SLC39A11: variants seen among roughly 807,000 people sequenced by gnomAD.
SLC39A11 encodes solute carrier family 39 member 11.
Under a neutral mutation model 36.1 loss-of-function variants are expected in SLC39A11, and 33 were observed. The ratio of observed to expected loss-of-function variants is 0.91; its 90% CI spans 0.69 to 1.22. SLC39A11 has a LOEUF of 1.22. Ranked by LOEUF, SLC39A11 falls within the 50% of genes most tolerant of loss-of-function variation. SLC39A11 has a pLI of 0.00. For missense variants in SLC39A11, 432 were observed against 430.3 expected (o/e 1.00, Z -0.03); for synonymous variants, 166 against 170.3 (o/e 0.97, Z 0.20).
At chr17:72,888,874 T>C (rs904417230) in intron 5 of SLC39A11, among the ~76,000 whole-genome samples, 3 of 151,924 alleles carry the variant, frequency 2.0e-5, no homozygotes, top group African/African-American at 7.3e-5. Context: ...TACACTCCAA[T>C]CTGTGTGGTA....
chr17:72,734,161 A>C (rs1355972454), intron 7 of SLC39A11, among the ~76,000 whole-genome samples: 1 of 152,144 alleles, frequency 6.6e-6, no homozygotes, highest in Non-Finnish European at 1.5e-5. Flanking sequence ...GTGTGAACTA[A>C]AGGCAGAGAA....
chr17:73,043,509 A>T (rs754474593), intron 3 of SLC39A11, among the ~76,000 whole-genome samples: 4 of 152,302 alleles, frequency 2.6e-5, no homozygotes, highest in Admixed American at 2.6e-4. Flanking sequence ...CTCACACGTG[A>T]TGCTGCAGCA....
At chr17:73,086,608 T>C (rs2060737684) in intron 2 of SLC39A11, among the ~76,000 whole-genome samples, 1 of 151,986 alleles carries the variant, frequency 6.6e-6, no homozygotes, top group African/African-American at 2.4e-5. Flanking sequence ...TCACTTGAGG[T>C]CAGGAGCTCA....
chr17:72,976,176 A>G (rs1185967836), intron 4 of SLC39A11, among the ~76,000 whole-genome samples: 1 of 150,974 alleles, frequency 6.6e-6, no homozygotes, highest in African/African-American at 2.4e-5. Context: ...TCTCAAAAAA[A>G]AAAAAAAAAA....
chr17:72,713,412 G>A (rs1217696681), intron 7 of SLC39A11, among the ~76,000 whole-genome samples: 3 of 151,416 alleles, frequency 2.0e-5, no homozygotes, highest in African/African-American at 7.3e-5. Context: ...GTGTAGATGG[G>A]AGAGTTTCCA....
At chr17:72,688,302 G>T (rs2071850130) in intron 7 of SLC39A11, among the ~76,000 whole-genome samples, 1 of 152,230 alleles carries the variant, frequency 6.6e-6, no homozygotes, top group Non-Finnish European at 1.5e-5. Flanking sequence ...GCTGGTGCCA[G>T]GCTACGAGGG....
At chr17:72,770,136 T>G (rs1162409772) in intron 6 of SLC39A11, among the ~76,000 whole-genome samples, 1 of 152,210 alleles carries the variant, frequency 6.6e-6, no homozygotes, top group Non-Finnish European at 1.5e-5. Context: ...AAAATAAACT[T>G]TCTAAATTAA....
chr17:72,855,630 C>T (rs1010912920), intron 5 of SLC39A11, among the ~76,000 whole-genome samples: 1 of 152,326 alleles, frequency 6.6e-6, no homozygotes, highest in East Asian at 1.9e-4. Flanking sequence ...GGTGCGGTGG[C>T]TCACGCCTGT....
chr17:72,702,467 A>G (rs920721052), intron 7 of SLC39A11, among the ~76,000 whole-genome samples: 2 of 152,182 alleles, frequency 1.3e-5, no homozygotes, highest in African/African-American at 4.8e-5. Context: ...CGCCTACAAC[A>G]AAGAATTATC....
At chr17:72,892,577 A>C (rs544725082) in intron 5 of SLC39A11, among the ~76,000 whole-genome samples, 54 of 152,308 alleles carry the variant, frequency 3.5e-4, no homozygotes, top group Middle Eastern at 6.8e-3. Context: ...CAAATTCAAG[A>C]GTCTATTTCC....
intron 7 of SLC39A11, among the ~76,000 whole-genome samples, chr17:72,680,334 G>A (rs549508138): frequency 9.9e-5 from 15 of 152,196 alleles, no homozygotes; most frequent in African/African-American, 3.6e-4. Flanking sequence ...AATATGATAC[G>A]GTTTGGCTGT....
At chr17:72,814,949 C>T (rs1157733073) in intron 6 of SLC39A11, among the ~76,000 whole-genome samples, 1 of 152,178 alleles carries the variant, frequency 6.6e-6, no homozygotes, top group Non-Finnish European at 1.5e-5. Flanking sequence ...AAACACAATC[C>T]TTCACTTCTT....
intron 5 of SLC39A11, among the ~76,000 whole-genome samples, chr17:72,944,239 T>C (rs2085286872): frequency 6.6e-6 from 1 of 152,136 alleles, no homozygotes; most frequent in Admixed American, 6.5e-5. Context: ...TATTGGCCTC[T>C]GTGTGCATCG....
intron 5 of SLC39A11, among the ~76,000 whole-genome samples, chr17:72,855,662 C>G (rs535579391): frequency 1.3e-5 from 2 of 152,088 alleles, no homozygotes; most frequent in African/African-American, 4.8e-5. Flanking sequence ...TTTGGGAGGC[C>G]GAGGTGGGCA....
intron 5 of SLC39A11, among the ~76,000 whole-genome samples, chr17:72,851,464 T>C (rs553610544): frequency 7.9e-5 from 12 of 152,302 alleles, no homozygotes; most frequent in East Asian, 1.9e-4. Flanking sequence ...GGTCCCTTTA[T>C]TGGGAGAGAA....
chr17:72,911,267 G>T (rs1015159608), intron 5 of SLC39A11, among the ~76,000 whole-genome samples: 4 of 152,042 alleles, frequency 2.6e-5, no homozygotes, highest in African/African-American at 9.7e-5. Context: ...GGCCTGTTGT[G>T]GGGTGGAGGA....
intron 5 of SLC39A11, among the ~76,000 whole-genome samples, chr17:72,899,788 C>T (rs2082225923): frequency 6.6e-6 from 1 of 152,042 alleles, no homozygotes; most frequent in South Asian, 2.1e-4. Flanking sequence ...ATGGCGAAAC[C>T]CCGTCTCTAC....
intron 7 of SLC39A11, among the ~76,000 whole-genome samples, chr17:72,692,115 A>G (rs1474865869): frequency 6.6e-6 from 1 of 150,560 alleles, no homozygotes; most frequent in Non-Finnish European, 1.5e-5. Context: ...GGTTCATGCC[A>G]TTCTTCTGCC....
intron 5 of SLC39A11, among the ~76,000 whole-genome samples, chr17:72,870,209 T>G (rs2080535726): frequency 6.6e-6 from 1 of 152,050 alleles, no homozygotes. Context: ...CTGAGACAGG[T>G]GTATGCATGT....
Sources: gnomAD v4.1 joint callset for allele counts (sites outside exome capture counted in the v4.1 genomes callset) on GRCh38, gnomAD v4.1.1 for gene constraint, MANE v1.5 for transcripts, NCBI Gene and HGNC (gene_info 2026-07-23, HGNC 2026-07-21) for gene names.